The following TRIO variants were observed in gnomAD, a reference collection of about 807,000 sequenced individuals.
TRIO encodes trio Rho guanine nucleotide exchange factor, also known as triple functional domain protein.
In TRIO, 58 loss-of-function variants were observed where a neutral mutation model predicts 351.9. The observed-to-expected ratio is 0.16, with a 90% confidence interval of 0.13 to 0.21. TRIO has a LOEUF of 0.21. Ranked by LOEUF, TRIO falls within the 10% of genes least tolerant of loss-of-function variation. The pLI, the probability that TRIO is intolerant of heterozygous loss-of-function variation, is 1.00. For synonymous variants in TRIO, 1,758 were observed against 1,595.7 expected (o/e 1.10, Z -2.42); for missense variants, 3,201 against 4,027.8 (o/e 0.79, Z 5.56).
intron 10 of TRIO, among the ~76,000 whole-genome samples, chr5:14,333,753 T>C (rs2152317418): frequency 6.6e-6 from 1 of 152,274 alleles, no homozygotes; most frequent in East Asian, 1.9e-4. Flanking sequence ...AGTGGCTCTT[T>C]TTGTCTGCTT....
Position 14,409,864 on chromosome 5 carries a change from A to C in TRIO, c.4959+3192A>C, listed in dbSNP as rs1426581866. Among the ~76,000 whole-genome samples the C allele has an allele frequency of 2.0e-5, 3 of 151,042 alleles. No homozygotes were observed. In the East Asian group the frequency reaches 5.8e-4, roughly 29 times the overall value. On this transcript the variant is annotated intron_variant, in intron 33 of 56. Coordinates refer to ENST00000344204, the MANE Select transcript of TRIO (RefSeq NM_007118.4). ...AAAAAAAAAAAAAAAGAAATCCCTGAAGGGTCTCTCCTGCCAGTTCCACCA... is the reference window on the plus strand; with the variant it reads ...AAAAAAAAAAAAAAAGAAATCCCTGCAGGGTCTCTCCTGCCAGTTCCACCA...
chr5:14,394,202 A>C (rs781530056), intron 28 of TRIO, 72 bp downstream of exon 28: 3 of 999,260 alleles, frequency 3.0e-6, no homozygotes, highest in Non-Finnish European at 4.4e-6. Flanking sequence ...CTATATATTT[A>C]TATAATTACC....
chr5:14,369,631 T>G, intron 18 of TRIO, 108 bp downstream of exon 18: 1 of 1,358,270 alleles, frequency 7.4e-7, no homozygotes, highest in Non-Finnish European at 9.7e-7. Context: ...ACCTCTTGCC[T>G]GCTGTGGAAT....
chr5:14,370,340 T>A (rs1430512999), intron 18 of TRIO, among the ~76,000 whole-genome samples: 1 of 152,170 alleles, frequency 6.6e-6, no homozygotes, highest in East Asian at 1.9e-4. Flanking sequence ...AACAGTTAAA[T>A]TTTTCAAAGT....
intron 1 of TRIO, among the ~76,000 whole-genome samples, chr5:14,174,876 CTT>C (rs1036048376): frequency 1.3e-5 from 2 of 152,288 alleles, no homozygotes; most frequent in Non-Finnish European, 2.9e-5. Flanking sequence ...GTATCTGTGA[CTT>C]TTCACCTGTG....
intron 33 of TRIO, among the ~76,000 whole-genome samples, chr5:14,415,472 A>C (rs1258635602): frequency 6.6e-6 from 1 of 152,146 alleles, no homozygotes; most frequent in Non-Finnish European, 1.5e-5. Context: ...TGTTCTGAGG[A>C]ACAAAGGAAG....
chr5:14,431,834 C>G (rs192999185), intron 34 of TRIO, among the ~76,000 whole-genome samples: 6 of 152,322 alleles, frequency 3.9e-5, no homozygotes, highest in African/African-American at 1.4e-4. Flanking sequence ...GGCCTCTGTC[C>G]TTGGCTTGCA....
At chr5:14,327,514 C>T (rs566838165) in intron 9 of TRIO, among the ~76,000 whole-genome samples, 2 of 152,040 alleles carry the variant, frequency 1.3e-5, no homozygotes, top group East Asian at 3.9e-4. Context: ...TTCCTCTGGC[C>T]CTTTCTACCA....
intron 1 of TRIO, among the ~76,000 whole-genome samples, chr5:14,264,422 G>T (rs1795529720): frequency 6.6e-6 from 1 of 152,082 alleles, no homozygotes; most frequent in African/African-American, 2.4e-5. Context: ...GCTGTATTAT[G>T]AAACCCGTCC....
chr5:14,336,640 A>G lies in TRIO; in HGVS notation c.1959A>G (p.Glu653=). Residue 653 remains glutamate, a synonymous_variant, in exon 11 of 57, where the codon GAA becomes GAG. Transcript: ENST00000344204. Reference sequence around the variant, plus strand: ...TTTATCAGGCTGCCCATCAGCTGGAAGACCGGATTCAAGATTTCGTTCGGC... The same window carrying G: ...TTTATCAGGCTGCCCATCAGCTGGAGGACCGGATTCAAGATTTCGTTCGGC... ...EEIYQAAHQL[E]DRIQDFVRRV... 6.2e-7 allele frequency: 1 copy of G among 1,614,202 alleles called. No homozygotes were observed. The highest frequency in any genetic ancestry group is 8.5e-7 in the Non-Finnish European group (1 of 1,180,036).
chr5:14,236,898 G>A (rs183432753), intron 1 of TRIO, among the ~76,000 whole-genome samples: 1 of 152,194 alleles, frequency 6.6e-6, no homozygotes, highest in Admixed American at 6.5e-5. Flanking sequence ...CTGTCTCAGT[G>A]GCTTTGCCTA....
rs374856146 is a variant in TRIO, at chr5:14,455,273, G to A, written c.5204-5746G>A. ...CCATTTTGCAGAGAGCCGATTCGCC[G>A]ATTTTACAGAGAGCTGATTGGTCCA... On this transcript the variant is annotated intron_variant, in intron 34 of 56. Transcript: ENST00000344204. 3.9e-5 allele frequency among the ~76,000 whole-genome samples: 6 copies of A among 152,148 alleles called. No homozygotes were observed. In the South Asian group the frequency reaches 1.0e-3, roughly 26 times the overall value.
At chr5:14,486,892 G>A (rs1755955793) in intron 47 of TRIO, among the ~76,000 whole-genome samples, 1 of 152,078 alleles carries the variant, frequency 6.6e-6, no homozygotes, top group African/African-American at 2.4e-5. Context: ...TTTTTCAAAG[G>A]CTTTAACACT....
At chr5:14,480,592 T>C (rs1755438877) in intron 43 of TRIO, among the ~76,000 whole-genome samples, 1 of 152,208 alleles carries the variant, frequency 6.6e-6, no homozygotes, top group Non-Finnish European at 1.5e-5. Context: ...GTCACGTGTT[T>C]TTCTGTGATA....
chr5:14,310,711 A>G (rs1375372310), intron 8 of TRIO, among the ~76,000 whole-genome samples: 1 of 152,156 alleles, frequency 6.6e-6, no homozygotes, highest in Non-Finnish European at 1.5e-5. Context: ...GGCAGAGTGG[A>G]GTCTTCTTCT....
At chr5:14,359,679 G>A (rs1468652537) in intron 13 of TRIO, 148 bp downstream of exon 13, 1 of 993,578 alleles carries the variant, frequency 1.0e-6, no homozygotes, top group African/African-American at 1.6e-5. Context: ...GTGGGAGGGA[G>A]AGAGGGTCCC....
At chr5:14,251,672 C>T (rs571392205) in intron 1 of TRIO, among the ~76,000 whole-genome samples, 2 of 152,164 alleles carry the variant, frequency 1.3e-5, no homozygotes, top group African/African-American at 4.8e-5. Context: ...GGCGTCTTTT[C>T]GTTTATTGAG....
intron 1 of TRIO, among the ~76,000 whole-genome samples, chr5:14,190,457 T>G (rs1204758037): frequency 6.6e-6 from 1 of 152,164 alleles, no homozygotes; most frequent in Non-Finnish European, 1.5e-5. Flanking sequence ...TTACAAAATA[T>G]GTGTGTGCGA....
intron 30 of TRIO, among the ~76,000 whole-genome samples, 192 bp from the exon 31 acceptor site, chr5:14,400,771 A>C (rs1748006094): frequency 1.3e-5 from 2 of 152,226 alleles, no homozygotes; most frequent in Non-Finnish European, 2.9e-5. Context: ...CAGGAAGCGA[A>C]GGATGAAACC....
Sources: gnomAD v4.1 joint callset for allele counts (sites outside exome capture counted in the v4.1 genomes callset) on GRCh38, gnomAD v4.1.1 for gene constraint, MANE v1.5 for transcripts, NCBI Gene and HGNC (gene_info 2026-07-23, HGNC 2026-07-21) for gene names.